The following SEMA3D variants were observed in gnomAD, a reference collection of about 807,000 sequenced individuals.
The protein encoded by SEMA3D is semaphorin-3D.
Under a neutral mutation model 100.1 loss-of-function variants are expected in SEMA3D, and 84 were observed. That is an observed-to-expected ratio of 0.84 (90% confidence interval 0.70 to 1.01). SEMA3D has a LOEUF of 1.01. Among genes scored for constraint, SEMA3D ranks in the 50% least tolerant of loss-of-function variants. The probability of loss-of-function intolerance (pLI) is 0.00; values close to 1 mark genes in which losing one functional copy is unlikely to be tolerated. For synonymous variants in SEMA3D, 312 were observed against 320.7 expected (o/e 0.97, Z 0.29); for missense variants, 875 against 934.1 (o/e 0.94, Z 0.82).
the SEMA3D span, among the ~76,000 whole-genome samples, chr7:85,196,646 G>C: frequency 6.6e-6 from 1 of 152,024 alleles, no homozygotes; most frequent in Non-Finnish European, 1.5e-5. Context: ...AGGGAATAAA[G>C]ACTAGAAAAG....
At chr7:85,197,710 C>A in the SEMA3D span, among the ~76,000 whole-genome samples, 22 of 152,078 alleles carry the variant, frequency 1.4e-4, no homozygotes, top group Non-Finnish European at 3.1e-4. Context: ...TCATTGGCAA[C>A]CCTTTGGCAG....
chr7:85,160,170 G>T (rs1790708314), intron 1 of SEMA3D: 1 of 372,396 alleles, frequency 2.7e-6, no homozygotes, highest in African/African-American at 2.2e-5. Flanking sequence ...AAACAAAAAG[G>T]TAAGGCATTA....
At chr7:85,204,539 A>G in the SEMA3D span, among the ~76,000 whole-genome samples, 1 of 152,124 alleles carries the variant, frequency 6.6e-6, no homozygotes, top group Non-Finnish European at 1.5e-5. Context: ...GTGAGGAACC[A>G]TCTTAATTTT....
At chr7:85,203,020 AAATGAGGTAGGACAG>A in the SEMA3D span, among the ~76,000 whole-genome samples, 2 of 152,228 alleles carry the variant, frequency 1.3e-5, no homozygotes, top group East Asian at 3.8e-4. Flanking sequence ...ATCTGTGGTA[AAATGAGGTAGGACAG>A]AATTACGTGC....
In SEMA3D at chr7:85,068,859, A is replaced by G. The variant is rs57860957; in HGVS notation, c.496-575T>C. 8.2e-3 allele frequency among the ~76,000 whole-genome samples: 1,250 copies of G among 152,300 alleles called. 18 individuals are homozygous for G. The highest frequency in any genetic ancestry group is 0.028 in the African/African-American group (1,183 of 41,574). On this transcript the variant is annotated intron_variant, in intron 6 of 18. Transcript: ENST00000284136. ...AAAAATCCTGTTGTAGTATTTCACT[A>G]TGACGAAAACACTGTACACATTAAA...
chr7:84,999,494 T>G lies in SEMA3D; in HGVS notation c.2280A>C (p.Arg760=), dbSNP rs140226603. 18 of 1,613,986 alleles carry G rather than the reference T, an allele frequency of 1.1e-5. No individual in the cohort carries two copies. The highest frequency in any genetic ancestry group is 3.3e-4 in the Middle Eastern group (2 of 6,082). ...CCAGGTCTCTGTGATGTCTTCGATT[T>G]CGTTTCTTCTTCATTTCCTGCATGT... ...WKHMQEMKKK[R]NRRHHRDLDE... Residue 760 remains arginine, a synonymous_variant, in exon 19 of 19, where the codon CGA becomes CGC. Coordinates refer to ENST00000284136, the MANE Select transcript of SEMA3D (RefSeq NM_001384900.1).
At chr7:85,030,154 C>T (rs1790505660) in intron 12 of SEMA3D, among the ~76,000 whole-genome samples, 1 of 150,698 alleles carries the variant, frequency 6.6e-6, no homozygotes, top group Admixed American at 6.6e-5. Context: ...ATTTTTGAAC[C>T]AAAAAATTTT....
chr7:85,080,922 T>C (rs940127489), intron 5 of SEMA3D, among the ~76,000 whole-genome samples: 1 of 152,188 alleles, frequency 6.6e-6, no homozygotes, highest in Non-Finnish European at 1.5e-5. Flanking sequence ...TACCCTCTAT[T>C]TGTCTTTTAT....
intron 4 of SEMA3D, among the ~76,000 whole-genome samples, chr7:85,082,387 T>C (rs931532835): frequency 3.9e-5 from 6 of 152,220 alleles, no homozygotes; most frequent in African/African-American, 1.4e-4. Flanking sequence ...CAGGAAGTTT[T>C]TGTAGGAATT....
the SEMA3D span, among the ~76,000 whole-genome samples, chr7:85,241,714 G>T: frequency 6.6e-6 from 1 of 150,716 alleles, no homozygotes; most frequent in Middle Eastern, 3.2e-3. Flanking sequence ...CTAAAAATTG[G>T]GTTCAGTATA....
At chr7:85,155,056 C>T (rs924939379) in intron 1 of SEMA3D, among the ~76,000 whole-genome samples, 1 of 151,856 alleles carries the variant, frequency 6.6e-6, no homozygotes, top group African/African-American at 2.4e-5. Flanking sequence ...TTTTTTCAAA[C>T]ATCTTATTAT....
At chr7:85,104,604 A>T (rs1788854329) in intron 3 of SEMA3D, among the ~76,000 whole-genome samples, 1 of 151,994 alleles carries the variant, frequency 6.6e-6, no homozygotes, top group Non-Finnish European at 1.5e-5. Context: ...CCAGAAAGGA[A>T]GGGAGTGGTG....
chr7:85,124,049 T>A (rs558707942), intron 2 of SEMA3D, among the ~76,000 whole-genome samples: 15 of 152,080 alleles, frequency 9.9e-5, no homozygotes, highest in South Asian at 6.2e-4. Flanking sequence ...AAGCCTTTTT[T>A]AAAAAATAAC....
chr7:85,035,191 A>G (rs1790659332), intron 12 of SEMA3D, among the ~76,000 whole-genome samples: 1 of 151,416 alleles, frequency 6.6e-6, no homozygotes. Context: ...ATACATATAT[A>G]TGAGACTTGT....
At chr7:85,003,394 C>T (rs190387445) in intron 18 of SEMA3D, among the ~76,000 whole-genome samples, 3 of 152,024 alleles carry the variant, frequency 2.0e-5, no homozygotes, top group Admixed American at 6.6e-5. Flanking sequence ...AATTTACTAT[C>T]TTTGGGTACA....
chr7:84,997,633 T>C lies in SEMA3D; in HGVS notation c.*1807A>G, dbSNP rs1405956290. On this transcript the variant is annotated 3_prime_UTR_variant, in exon 19 of 19. Transcript: ENST00000284136. Reference sequence around the variant, plus strand: ...GTAAGCAATGCAAATAAAATAAAAATAACAGAGAGAGAATGCTCTCAACAT... The same window carrying C: ...GTAAGCAATGCAAATAAAATAAAAACAACAGAGAGAGAATGCTCTCAACAT... 1.3e-5 allele frequency: 2 copies of C among 152,434 alleles called. No homozygotes were observed. The highest frequency in any genetic ancestry group is 1.9e-4 in the East Asian group (1 of 5,200). The allele number at this position is 152,434 out of a possible 1,614,324, so 9.4% of individuals were successfully genotyped here.
chr7:85,075,453 C>T (rs1301448819), intron 5 of SEMA3D, among the ~76,000 whole-genome samples: 1 of 151,256 alleles, frequency 6.6e-6, no homozygotes, highest in Non-Finnish European at 1.5e-5. Flanking sequence ...TGAATCACAC[C>T]TATTTTATTT....
intron 1 of SEMA3D, among the ~76,000 whole-genome samples, chr7:85,153,968 C>G (rs1416656515): frequency 1.3e-5 from 2 of 152,124 alleles, no homozygotes; most frequent in Non-Finnish European, 2.9e-5. Flanking sequence ...AGACGGCAAT[C>G]TGCTTTACTC....
the SEMA3D span, among the ~76,000 whole-genome samples, chr7:85,249,902 T>A: frequency 2.6e-5 from 4 of 152,058 alleles, no homozygotes; most frequent in African/African-American, 9.7e-5. Flanking sequence ...AGTCTACAGC[T>A]CCCAGCGTGA....
Sources: allele counts gnomAD v4.1 joint callset (sites outside exome capture counted in the v4.1 genomes callset), GRCh38; gene constraint gnomAD v4.1.1; transcripts MANE v1.5; gene names NCBI Gene and HGNC (gene_info 2026-07-23, HGNC 2026-07-21).